ACRV1: variants seen among roughly 807,000 people sequenced by gnomAD.
The protein encoded by ACRV1 is acrosomal protein SP-10.
In ACRV1, 17 loss-of-function variants were observed where a neutral mutation model predicts 29.2. That is an observed-to-expected ratio of 0.58 (90% confidence interval 0.40 to 0.87). ACRV1 has a LOEUF of 0.87. ACRV1 is among the 40% of genes least tolerant of loss of function. The pLI, the probability that ACRV1 is intolerant of heterozygous loss-of-function variation, is 0.00. For missense variants in ACRV1, 294 were observed against 316.0 expected (o/e 0.93, Z 0.53); for synonymous variants, 98 against 111.6 (o/e 0.88, Z 0.77).
chr11:125,672,865 G>T, intron 3 of ACRV1, 148 bp from the exon 4 acceptor site: 1 of 1,034,010 alleles, frequency 9.7e-7, no homozygotes, highest in Admixed American at 2.9e-5. Flanking sequence ...TGCTTCCTCT[G>T]GGAACTTGCC....
At chr11:125,680,260 G>C (rs754233073) in intron 1 of ACRV1, among the ~76,000 whole-genome samples, 1 of 152,200 alleles carries the variant, frequency 6.6e-6, no homozygotes, top group Non-Finnish European at 1.5e-5. Context: ...AAACCTGATT[G>C]ATATAACACA....
At position 125,677,846 on chromosome 11, in the gene ACRV1, G is replaced by T. The variant is rs78284286; in HGVS notation, c.504C>A (p.His168Gln). 22 of 1,613,982 alleles carry T rather than the reference G, an allele frequency of 1.4e-5. No individual in the cohort carries two copies. The South Asian group carries it at 2.1e-4, about 15-fold the overall frequency. The part of the protein sequence containing the change: ...QASGEQPSGE[H>Q]ASGEQASGAP... ...CACCTGAAGCCTGTTCCCCTGAAGCGTGCTCACCTGAAGGCTGTTCACCCG... is the reference window on the plus strand; with the variant it reads ...CACCTGAAGCCTGTTCCCCTGAAGCTTGCTCACCTGAAGGCTGTTCACCCG... The change falls in exon 2 of 4, where the codon CAC becomes CAA. Residue 168 changes from histidine (H) to glutamine (Q), a missense_variant. Transcript: ENST00000533904.
At chr11:125,677,740 G>A in intron 2 of ACRV1, 57 bp downstream of exon 2, 1 of 1,597,818 alleles carries the variant, frequency 6.3e-7, no homozygotes, top group South Asian at 1.1e-5. Context: ...TTTTCTTGAT[G>A]TGTTCCCCAT....
At chr11:125,672,878 C>A (rs1348975508) in intron 3 of ACRV1, among the ~76,000 whole-genome samples, 161 bp from the exon 4 acceptor site, 2 of 152,184 alleles carry the variant, frequency 1.3e-5, no homozygotes, top group East Asian at 3.9e-4. Flanking sequence ...AACTTGCCCC[C>A]CATCAGTTGC....
Position 125,676,342 on chromosome 11 carries a change from A to ATC in ACRV1, c.673+16_673+17insGA, listed in dbSNP as rs754535890. ...TGTGTTCTCAGGCAGAAATTGCCTC[A>ATC]TGAAGTCCCCATATACCTTCAAAGA... On this transcript the variant is annotated intron_variant, in intron 3 of 3. Coordinates refer to ENST00000533904, the MANE Select transcript of ACRV1 (RefSeq NM_001612.6). 49 of 1,613,634 alleles carry ATC rather than the reference A, an allele frequency of 3.0e-5. No homozygotes were observed. The African/African-American group carries it at 5.9e-4, about 19-fold the overall frequency.
At chr11:125,674,514 A>C (rs563808311) in intron 3 of ACRV1, among the ~76,000 whole-genome samples, 1 of 152,218 alleles carries the variant, frequency 6.6e-6, no homozygotes, top group Non-Finnish European at 1.5e-5. Flanking sequence ...GAGTGTAAAC[A>C]GGGATGCAGA....
intron 3 of ACRV1, among the ~76,000 whole-genome samples, 190 bp from the exon 4 acceptor site, chr11:125,672,907 G>A (rs1197054566): frequency 6.6e-6 from 1 of 151,940 alleles, no homozygotes; most frequent in Non-Finnish European, 1.5e-5. Flanking sequence ...TTCTTATATT[G>A]TCAGTCCGTT....
At chr11:125,679,540 C>A (rs183398926) in intron 1 of ACRV1, among the ~76,000 whole-genome samples, 1 of 152,152 alleles carries the variant, frequency 6.6e-6, no homozygotes, top group Middle Eastern at 3.2e-3. Flanking sequence ...CATTGACTGT[C>A]AGACAAATAT....
intron 3 of ACRV1, among the ~76,000 whole-genome samples, chr11:125,674,168 G>T (rs761223058): frequency 7.2e-5 from 11 of 152,070 alleles, no homozygotes; most frequent in Non-Finnish European, 8.8e-5. Context: ...ACCTAGTAAG[G>T]AACTATGCTA....
chr11:125,673,562 A>C (rs1471497146), intron 3 of ACRV1, among the ~76,000 whole-genome samples: 1 of 151,390 alleles, frequency 6.6e-6, no homozygotes, highest in African/African-American at 2.4e-5. Context: ...CTGCTCATCT[A>C]CTCCTCTGGA....
chr11:125,678,024 G>A lies in ACRV1; in HGVS notation c.326C>T (p.Thr109Ile). Residue 109 changes from threonine to isoleucine, a missense_variant, in exon 2 of 4, where the codon ACT becomes ATT. Thr to Ile is a moderately conservative substitution (Grantham distance 89). Transcript: ENST00000533904. Reference protein sequence around the residue: ...AATEHAEGEHTVGEQPSGEQP... With the variant: ...AATEHAEGEHIVGEQPSGEQP... ...TTCTCCTGAAGGCTGCTCACCTACA[G>A]TATGCTCACCTTCAGCATGTTCAGT... is the stretch of plus-strand genomic sequence containing the variant. 6.2e-7 allele frequency: 1 copy of A among 1,614,152 alleles called. No homozygotes were observed. The highest frequency in any genetic ancestry group is 8.5e-7 in the Non-Finnish European group (1 of 1,180,010).
rs1942613995 is a variant in ACRV1, at chr11:125,678,101, G to A, written c.249C>T (p.His83=). The A allele has an allele frequency of 6.2e-7, 1 of 1,614,186 alleles. No homozygotes were observed. Residue 83 remains histidine (H), a synonymous_variant, in exon 2 of 4, where the codon CAC becomes CAT. Transcript: ENST00000533904. The part of the protein sequence containing the change: ...HGSSKHTVAE[H]TSGEHAESEH... Reference sequence around the variant, plus strand: ...CACTCTCAGCATGTTCTCCAGAAGTGTGCTCGGCCACAGTGTGCTTGCTTG... The same window carrying A: ...CACTCTCAGCATGTTCTCCAGAAGTATGCTCGGCCACAGTGTGCTTGCTTG...
chr11:125,676,241 G>C (rs1310159287), intron 3 of ACRV1, 118 bp downstream of exon 3: 1 of 1,330,460 alleles, frequency 7.5e-7, no homozygotes, highest in African/African-American at 1.5e-5. Context: ...AAAAAATAAA[G>C]TTCTGAATCT....
At position 125,680,590 on chromosome 11, in the gene ACRV1, G is replaced by T. The variant is rs939907192; in HGVS notation, c.52+139C>A. ...ATCAACTGGTTCAGGAGCTCTCCGA[G>T]TTGGACTTGTTTAGCTGCTCTTGAT... On this transcript the variant is annotated intron_variant, in intron 1 of 3. Transcript: ENST00000533904. 8.3e-6 allele frequency: 6 copies of T among 726,174 alleles called. No homozygotes were observed. In the African/African-American group the frequency reaches 1.1e-4, roughly 13 times the overall value. 45.0% of individuals were successfully genotyped at this position (726,174 alleles called of 1,614,324 possible).
At chr11:125,676,553 G>T in intron 2 of ACRV1, 75 bp from the exon 3 acceptor site, 1 of 1,564,866 alleles carries the variant, frequency 6.4e-7, no homozygotes. Flanking sequence ...TCTGGGAGGG[G>T]TAATGGGCAA....
intron 1 of ACRV1, among the ~76,000 whole-genome samples, chr11:125,679,228 T>TTTTTTTTTTTTTG (rs1454887323): frequency 1.4e-5 from 2 of 145,550 alleles, no homozygotes; most frequent in African/African-American, 5.1e-5. Flanking sequence ...TTTTTTTTTT[T>TTTTTTTTTTTTTG]TGTTTCAAAG....
At chr11:125,673,608 C>T (rs1283666430) in intron 3 of ACRV1, among the ~76,000 whole-genome samples, 2 of 152,170 alleles carry the variant, frequency 1.3e-5, no homozygotes, top group Non-Finnish European at 2.9e-5. Context: ...TGAACTGTCA[C>T]ATTACCAACT....
In ACRV1 at chr11:125,671,697, T is replaced by A. The variant is rs1051887553; in HGVS notation, c.*896A>T. The stretch of plus-strand genomic sequence containing the variant: ...ATCTGCCTATAGCTCTCTGTAGCTC[T>A]GTAACCTTGGTAAATTTGGAACAAC... On this transcript the variant is annotated 3_prime_UTR_variant, in exon 4 of 4. Transcript: ENST00000533904. The A allele has an allele frequency of 7.2e-5, 11 of 152,220 alleles. No individual in the cohort carries two copies. Among genetic ancestry groups the A allele is most frequent in the African/African-American group, 2.4e-4 (10 of 41,454 alleles). 9.4% of individuals were successfully genotyped at this position (152,220 alleles called of 1,614,324 possible). A position where few individuals can be genotyped will look rare whatever the true frequency, so the allele number is the denominator to read the frequency against.
intron 3 of ACRV1, among the ~76,000 whole-genome samples, chr11:125,674,956 T>G (rs952962180): frequency 6.6e-6 from 1 of 152,216 alleles, no homozygotes; most frequent in African/African-American, 2.4e-5. Flanking sequence ...CATCCTGCAC[T>G]TTTCTGACTT....
Sources: gnomAD v4.1 joint callset for allele counts (sites outside exome capture counted in the v4.1 genomes callset) on GRCh38, gnomAD v4.1.1 for gene constraint, MANE v1.5 for transcripts, NCBI Gene and HGNC (gene_info 2026-07-23, HGNC 2026-07-21) for gene names.